The following PTPRD variants were observed in gnomAD, a reference collection of about 807,000 sequenced individuals.
The protein encoded by PTPRD is receptor-type tyrosine-protein phosphatase delta.
In PTPRD, 34 loss-of-function variants were observed where a neutral mutation model predicts 214.5. The observed-to-expected ratio is 0.16, with a 90% CI of 0.12 to 0.21. The LOEUF (loss-of-function observed/expected upper bound fraction) is 0.21. Among genes scored for constraint, PTPRD ranks in the 10% least tolerant of loss-of-function variants. The probability of loss-of-function intolerance (pLI) is 1.00; values close to 1 mark genes in which losing one functional copy is unlikely to be tolerated. For missense variants in PTPRD, 2,545 were observed against 2,398.7 expected (o/e 1.06, Z -1.27); for synonymous variants, 1,128 against 845.7 (o/e 1.33, Z -5.79).
chr9:8,486,410 T>G (rs759033238), intron 27 of PTPRD, 61 bp from the exon 28 acceptor site: 25 of 1,406,140 alleles, frequency 1.8e-5, no homozygotes, highest in Non-Finnish European at 2.5e-5. Flanking sequence ...TTTCAGTCAT[T>G]GCCAAATGAG....
At chr9:10,480,986 C>T (rs1401325874) in intron 2 of PTPRD, among the ~76,000 whole-genome samples, 5 of 151,408 alleles carry the variant, frequency 3.3e-5, no homozygotes, top group Non-Finnish European at 5.9e-5. Context: ...TGACTCAAGT[C>T]GAGTCAATAA....
chr9:9,832,281 T>C (rs1044065211), intron 5 of PTPRD, among the ~76,000 whole-genome samples: 5 of 151,860 alleles, frequency 3.3e-5, no homozygotes, highest in African/African-American at 9.7e-5. Flanking sequence ...AGAAGCAAAG[T>C]AGACAATGCA....
intron 7 of PTPRD, among the ~76,000 whole-genome samples, chr9:9,644,990 G>C (rs1002359564): frequency 6.6e-6 from 1 of 152,224 alleles, no homozygotes; most frequent in Non-Finnish European, 1.5e-5. Context: ...CAAGAGGGCA[G>C]GGTGTAAAAG....
intron 6 of PTPRD, among the ~76,000 whole-genome samples, chr9:9,740,959 G>C (rs1191477560): frequency 6.6e-6 from 1 of 152,082 alleles, no homozygotes; most frequent in Non-Finnish European, 1.5e-5. Flanking sequence ...TGTGGAAATA[G>C]ATATAACCCA....
intron 4 of PTPRD, among the ~76,000 whole-genome samples, chr9:9,998,129 A>AAAAAAAAAAATATATATATAT (rs57991748): frequency 2.2e-5 from 2 of 91,494 alleles, no homozygotes; most frequent in African/African-American, 5.9e-5. Context: ...AAAAAAAAAA[A>AAAAAAAAAAATATATATATAT]ATATATATAT....
intron 4 of PTPRD, among the ~76,000 whole-genome samples, chr9:9,998,848 T>G (rs532670513): frequency 1.6e-4 from 24 of 152,298 alleles, no homozygotes; most frequent in African/African-American, 5.1e-4. Flanking sequence ...TGATTCTCCA[T>G]GCTCATGCTG....
intron 39 of PTPRD, among the ~76,000 whole-genome samples, chr9:8,373,340 T>A (rs755370288): frequency 6.6e-6 from 1 of 152,050 alleles, no homozygotes; most frequent in African/African-American, 2.4e-5. Flanking sequence ...TTACCAGACA[T>A]GTAAAATTAC....
intron 10 of PTPRD, among the ~76,000 whole-genome samples, chr9:9,037,878 G>T (rs577104603): frequency 6.6e-6 from 1 of 152,302 alleles, no homozygotes; most frequent in East Asian, 1.9e-4. Flanking sequence ...CTGACTACGT[G>T]AGCAGGGACT....
At chr9:10,283,269 G>A (rs1242573455) in intron 3 of PTPRD, among the ~76,000 whole-genome samples, 1 of 152,012 alleles carries the variant, frequency 6.6e-6, no homozygotes, top group East Asian at 1.9e-4. Flanking sequence ...ATAGCTCCTG[G>A]TCCTTTCATC....
At chr9:9,106,105 G>C (rs1355179543) in intron 10 of PTPRD, among the ~76,000 whole-genome samples, 1 of 152,094 alleles carries the variant, frequency 6.6e-6, no homozygotes, top group African/African-American at 2.4e-5. Context: ...AACATAGCAA[G>C]AGCTTCGTAG....
chr9:8,474,799 A>G (rs1253337288), intron 30 of PTPRD, among the ~76,000 whole-genome samples: 1 of 152,194 alleles, frequency 6.6e-6, no homozygotes, highest in Non-Finnish European at 1.5e-5. Context: ...GTACAAGTCT[A>G]TCTAGATCTG....
intron 7 of PTPRD, among the ~76,000 whole-genome samples, chr9:9,704,440 G>C (rs1257025000): frequency 2.0e-5 from 3 of 152,150 alleles, no homozygotes; most frequent in Non-Finnish European, 4.4e-5. Context: ...CGTTGGGTGA[G>C]AATCTGGTTT....
intron 14 of PTPRD, among the ~76,000 whole-genome samples, chr9:8,563,142 A>C (rs1032238564): frequency 6.6e-6 from 1 of 152,154 alleles, no homozygotes; most frequent in Non-Finnish European, 1.5e-5. Flanking sequence ...GAGTATACAC[A>C]TTGTAGGATC....
chr9:9,239,542 T>C (rs907115011), intron 9 of PTPRD, among the ~76,000 whole-genome samples: 2 of 152,204 alleles, frequency 1.3e-5, no homozygotes, highest in African/African-American at 4.8e-5. Context: ...ATATTTTTGA[T>C]ACTTGCCTGA....
chr9:10,296,340 G>C (rs1048259046), intron 3 of PTPRD, among the ~76,000 whole-genome samples: 4 of 151,902 alleles, frequency 2.6e-5, no homozygotes, highest in African/African-American at 9.7e-5. Context: ...TTTTATCTGA[G>C]TTCCTTCTTC....
intron 3 of PTPRD, among the ~76,000 whole-genome samples, chr9:10,314,122 G>C (rs2096353309): frequency 6.6e-6 from 1 of 151,908 alleles, no homozygotes; most frequent in Non-Finnish European, 1.5e-5. Flanking sequence ...AAGATATTCA[G>C]AATGTTACGA....
At chr9:9,759,672 C>T (rs941697270) in intron 6 of PTPRD, among the ~76,000 whole-genome samples, 2 of 151,034 alleles carry the variant, frequency 1.3e-5, no homozygotes, top group African/African-American at 2.4e-5. Flanking sequence ...ATTCTCTTGC[C>T]TCAGCCTCCC....
intron 2 of PTPRD, among the ~76,000 whole-genome samples, chr9:10,494,475 T>G (rs1421366052): frequency 6.6e-6 from 1 of 151,800 alleles, no homozygotes; most frequent in Non-Finnish European, 1.5e-5. Context: ...GCCTAGATGC[T>G]ATTAGTCTCA....
chr9:9,799,156 A>G (rs1247033036), intron 5 of PTPRD, among the ~76,000 whole-genome samples: 1 of 152,214 alleles, frequency 6.6e-6, no homozygotes, highest in African/African-American at 2.4e-5. Context: ...AAATGCAATT[A>G]ACTTCCATAT....
Sources: gnomAD v4.1 joint callset for allele counts (sites outside exome capture counted in the v4.1 genomes callset) on GRCh38, gnomAD v4.1.1 for gene constraint, MANE v1.5 for transcripts, NCBI Gene and HGNC (gene_info 2026-07-23, HGNC 2026-07-21) for gene names.